SLC41A3: variants seen among roughly 807,000 people sequenced by gnomAD.
SLC41A3 encodes SLC41A1-like 2.
A neutral mutation model predicts 45.4 loss-of-function variants in SLC41A3; 44 were observed. That is an observed-to-expected ratio of 0.97 (90% CI 0.76 to 1.25). SLC41A3 has a LOEUF of 1.25. Among genes scored for constraint, SLC41A3 ranks in the 50% most tolerant of loss-of-function variants. The pLI is 0.00. For missense variants in SLC41A3, 550 were observed against 600.6 expected (o/e 0.92, Z 0.88); for synonymous variants, 256 against 252.4 (o/e 1.01, Z -0.13).
chr3:126,013,358 G>A (rs1014976519), intron 8 of SLC41A3, among the ~76,000 whole-genome samples: 1 of 151,842 alleles, frequency 6.6e-6, no homozygotes, highest in South Asian at 2.1e-4. Flanking sequence ...TCTGGAGTTC[G>A]AGACCAGCCT....
chr3:126,095,653 C>T (rs1945584680), intron 1 of SLC41A3, among the ~76,000 whole-genome samples: 1 of 152,206 alleles, frequency 6.6e-6, no homozygotes, highest in African/African-American at 2.4e-5. Context: ...TTGAGGCATA[C>T]AGCCCTCAAA....
intron 1 of SLC41A3, among the ~76,000 whole-genome samples, chr3:126,095,962 T>A (rs1945592073): frequency 6.6e-6 from 1 of 152,230 alleles, no homozygotes; most frequent in Non-Finnish European, 1.5e-5. Flanking sequence ...ATGATATGGC[T>A]TGTTGTAGGA....
At chr3:126,048,423 A>C (rs1313045571) in intron 3 of SLC41A3, among the ~76,000 whole-genome samples, 2 of 152,180 alleles carry the variant, frequency 1.3e-5, no homozygotes, top group Non-Finnish European at 2.9e-5. Flanking sequence ...ATGTTTATGT[A>C]TGTTCATGTA....
At chr3:126,053,470 GA>G (rs1943471178) in intron 2 of SLC41A3, among the ~76,000 whole-genome samples, 1 of 152,172 alleles carries the variant, frequency 6.6e-6, no homozygotes, top group Non-Finnish European at 1.5e-5. Context: ...AATGTAAAGT[GA>G]AAAAATACTG....
intron 2 of SLC41A3, among the ~76,000 whole-genome samples, chr3:126,061,589 T>TGAATGAAC (rs1396481610): frequency 6.6e-6 from 1 of 152,194 alleles, no homozygotes; most frequent in Non-Finnish European, 1.5e-5. Flanking sequence ...AATGAATGAA[T>TGAATGAAC]GAATGAACGA....
At chr3:126,011,243 TAGAA>T (rs567310282) in intron 9 of SLC41A3, among the ~76,000 whole-genome samples, 292 of 151,756 alleles carry the variant, frequency 1.9e-3, no homozygotes, top group Non-Finnish European at 2.2e-3. Context: ...AAAAAGAAGA[TAGAA>T]AGAAAGAAGA....
intron 3 of SLC41A3, among the ~76,000 whole-genome samples, chr3:126,044,401 A>G (rs1272885289): frequency 6.6e-6 from 1 of 152,212 alleles, no homozygotes; most frequent in African/African-American, 2.4e-5. Flanking sequence ...GAATACAACA[A>G]CCAGACAGAA....
chr3:126,017,071 T>A (rs908609869), intron 6 of SLC41A3, among the ~76,000 whole-genome samples, 196 bp from the exon 7 acceptor site: 1 of 152,170 alleles, frequency 6.6e-6, no homozygotes, highest in Admixed American at 6.5e-5. Context: ...CTGTCCTCCA[T>A]TCCTGCCACA....
rs550051167 is a variant in SLC41A3, at chr3:126,081,295, G to A, written c.-28+2798C>T. ...ACATCACATGGCCTCACTCATATGT[G>A]AGCGCTGAAGGAGGGGATCTCAAGG... On this transcript the variant is annotated intron_variant, in intron 1 of 10. Coordinates refer to ENST00000360370, the MANE Select transcript of SLC41A3 (RefSeq NM_017836.4). Among the ~76,000 whole-genome samples, 3 of 152,258 alleles carry A rather than the reference G, an allele frequency of 2.0e-5. No individual in the cohort carries two copies. In the East Asian group the frequency reaches 5.8e-4, roughly 29 times the overall value.
intron 2 of SLC41A3, among the ~76,000 whole-genome samples, chr3:126,063,726 C>A (rs1490225467): frequency 6.6e-6 from 1 of 152,236 alleles, no homozygotes; most frequent in South Asian, 2.1e-4. Context: ...AAAGTTCAGA[C>A]ATGGCCGACG....
rs4476464 is a variant in SLC41A3, at chr3:126,010,841, C to T, written c.1105+1774G>A. On this transcript the variant is annotated intron_variant, in intron 9 of 10. Coordinates refer to ENST00000360370, the MANE Select transcript of SLC41A3 (RefSeq NM_017836.4). ...TGTGCCCAGCAATAACAAGGTGCTC[C>T]TCTTCTCCCAGGATAGCAATAGAGG... 7.6e-3 allele frequency among the ~76,000 whole-genome samples: 1,154 copies of T among 152,324 alleles called. 16 individuals are homozygous for T. Among genetic ancestry groups the T allele is most frequent in the African/African-American group, 0.027 (1,113 of 41,560 alleles).
At chr3:126,011,203 T>A (rs1939671213) in intron 9 of SLC41A3, among the ~76,000 whole-genome samples, 1 of 151,762 alleles carries the variant, frequency 6.6e-6, no homozygotes. Context: ...ATAGAAAGTA[T>A]AAGCAAAGAA....
intron 9 of SLC41A3, among the ~76,000 whole-genome samples, chr3:126,009,483 A>T (rs1939474191): frequency 6.6e-6 from 1 of 152,164 alleles, no homozygotes; most frequent in South Asian, 2.1e-4. Flanking sequence ...TGAGTTTGAG[A>T]CTTTACAATA....
chr3:126,074,137 G>A lies in SLC41A3; in HGVS notation c.-27-5891C>T, dbSNP rs533531854. 3.8e-4 allele frequency among the ~76,000 whole-genome samples: 58 copies of A among 152,124 alleles called. No homozygotes were observed. In the Middle Eastern group the frequency reaches 0.014, roughly 36 times the overall value. Reference sequence around the variant, plus strand: ...TTGGCAACAACTAACACTCTTTCACGATAAAAACACTTTAAAAAGTTAGCT... The same window carrying A: ...TTGGCAACAACTAACACTCTTTCACAATAAAAACACTTTAAAAAGTTAGCT... On this transcript the variant is annotated intron_variant, in intron 1 of 10. Transcript: ENST00000360370.
chr3:126,075,831 C>A (rs1944855819), intron 1 of SLC41A3, among the ~76,000 whole-genome samples: 1 of 152,162 alleles, frequency 6.6e-6, no homozygotes, highest in African/African-American at 2.4e-5. Context: ...AAAACTAACT[C>A]AAAATGGCTT....
At chr3:126,059,145 G>A (rs553889648) in intron 2 of SLC41A3, among the ~76,000 whole-genome samples, 1 of 150,528 alleles carries the variant, frequency 6.6e-6, no homozygotes, top group South Asian at 2.1e-4. Context: ...TCAGTACTTA[G>A]GGCCTAGTAA....
At chr3:126,067,415 C>T in intron 2 of SLC41A3, 1 of 206,860 alleles carries the variant, frequency 4.8e-6, no homozygotes, top group South Asian at 5.8e-5. Context: ...TTAGGGTGGG[C>T]CCTAACCCAA....
chr3:126,067,212 C>T (rs1406084546), intron 2 of SLC41A3, among the ~76,000 whole-genome samples: 1 of 151,356 alleles, frequency 6.6e-6, no homozygotes, highest in African/African-American at 2.4e-5. Context: ...AGTTATCCTA[C>T]CAATTTATTC....
At chr3:126,099,837 T>G (rs1281822262) in intron 1 of SLC41A3, among the ~76,000 whole-genome samples, 1 of 152,250 alleles carries the variant, frequency 6.6e-6, no homozygotes, top group Non-Finnish European at 1.5e-5. Flanking sequence ...TCTGTCACTG[T>G]GGCCATCAAC....
Sources: gnomAD v4.1 joint callset for allele counts (sites outside exome capture counted in the v4.1 genomes callset) on GRCh38, gnomAD v4.1.1 for gene constraint, MANE v1.5 for transcripts, NCBI Gene and HGNC (gene_info 2026-07-23, HGNC 2026-07-21) for gene names.